The following PRR23B variants were observed in gnomAD, a reference collection of about 807,000 sequenced individuals.
PRR23B encodes the protein proline rich 23B.
For synonymous variants in PRR23B, 157 were observed against 168.0 expected (o/e 0.93, Z 0.51); for missense variants, 375 against 371.7 (o/e 1.01, Z -0.07).
the PRR23B span, chr3:139,019,948 G>T: frequency 6.2e-7 from 1 of 1,613,296 alleles, no homozygotes; most frequent in African/African-American, 1.3e-5. Flanking sequence ...GACTCCCCAC[G>T]CACGGAGAGG....
rs1936939761 is a variant in PRR23B at position 139,020,619 on chromosome 3, A to T, written c.43T>A (p.Trp15Arg). The change falls in exon 1 of 1, where the codon TGG becomes AGG. Residue 15 changes from tryptophan (W) to arginine (R), a missense_variant. By Grantham distance (101) the Trp-to-Arg change is moderately radical. Coordinates refer to ENST00000329447, the MANE Select transcript of PRR23B (RefSeq NM_001013650.2). ...PRSPSAFPAP[W>R]WGQQPGGPGP... Reference sequence around the variant, plus strand: ...GGTCCTCCTGGCTGCTGTCCCCACCAGGGAGCAGGGAAGGCGCTGGGGCTG... The same window carrying T: ...GGTCCTCCTGGCTGCTGTCCCCACCTGGGAGCAGGGAAGGCGCTGGGGCTG... The T allele has an allele frequency of 1.3e-6, 2 of 1,551,890 alleles. No individual in the cohort carries two copies. Among genetic ancestry groups the T allele is most frequent in the South Asian group, 2.4e-5 (2 of 84,804 alleles).
At position 139,020,026 on chromosome 3, in the gene PRR23B, G is replaced by T. The variant is rs752236299; in HGVS notation, c.636C>A (p.Arg212=). ...GGCGGAATTCCAGGTCAAAGATGGG[G>T]CGTGGAGAACGTCTCTCTGAACTGG... ...PNPSSERRSP[R]PIFDLEFRLL... is the part of the protein sequence containing the mutation. Residue 212 remains arginine (R), a synonymous_variant, in exon 1 of 1, where the codon CGC becomes CGA. Transcript: ENST00000329447. 2.5e-5 allele frequency: 41 copies of T among 1,614,146 alleles called. No homozygotes were observed. The highest frequency in any genetic ancestry group is 3.5e-5 in the Non-Finnish European group (41 of 1,180,028).
At position 139,020,516 on chromosome 3, in the gene PRR23B, G is replaced by A. The variant is rs763329637; in HGVS notation, c.146C>T (p.Ala49Val). Residue 49 changes from alanine to valine, a missense_variant, in exon 1 of 1, where the codon GCG (alanine) becomes GTG (valine). Transcript: ENST00000329447. ...PRAAPSLEDP[A>V]GDPAVDALTS... The stretch of plus-strand genomic sequence containing the variant: ...GAGCGCGTCCACGGCCGGGTCCCCC[G>A]CCGGGTCTTCCAGGCTGGGTGCCGC... 3.2e-6 allele frequency: 5 copies of A among 1,571,310 alleles called. No homozygotes were observed. In the South Asian group the frequency reaches 3.5e-5, roughly 11 times the overall value.
rs1191060343 is a variant in PRR23B, at chr3:139,019,090, A to T, written c.*774T>A. 1 of 152,200 alleles carries T rather than the reference A, an allele frequency of 6.6e-6. No individual in the cohort carries two copies. Among genetic ancestry groups the T allele is most frequent in the Non-Finnish European group, 1.5e-5 (1 of 68,038 alleles). 9.4% of individuals were successfully genotyped at this position (152,200 alleles called of 1,614,324 possible). ...AAATATGAGGCAACTACAGTAATAA[A>T]CTAACATTTTAAAAGTTAGAAGTTT... On this transcript the variant is annotated 3_prime_UTR_variant, in exon 1 of 1. Coordinates refer to ENST00000329447, the MANE Select transcript of PRR23B (RefSeq NM_001013650.2).
chr3:139,020,304 C>G lies in PRR23B; in HGVS notation c.358G>C (p.Ala120Pro), dbSNP rs959412271. 3 of 1,614,116 alleles carry G rather than the reference C, an allele frequency of 1.9e-6. No individual in the cohort carries two copies. The highest frequency in any genetic ancestry group is 2.7e-5 in the African/African-American group (2 of 75,046). The change falls in exon 1 of 1, where the codon GCC becomes CCC. Residue 120 changes from alanine to proline, a missense_variant. By Grantham distance (27) the Ala-to-Pro change is conservative (BLOSUM62 -1). Transcript: ENST00000329447. ...AGGAAAACGTCCACTTCCAGCCCGG[C>G]AGACGAGTCGTGCTGCGCTCCTGAG... is the stretch of plus-strand genomic sequence containing the variant. ...ERSGAQHDSS[A>P]GLEVDVFLGA...
the PRR23B span, chr3:139,020,393 AC>A: frequency 4.3e-6 from 7 of 1,613,896 alleles, no homozygotes; most frequent in Non-Finnish European, 5.9e-6. Flanking sequence ...ACCGAGAGAC[AC>A]TCGCAGGATC....
At chr3:139,020,580 G>GC in the PRR23B span, 1 of 1,552,100 alleles carries the variant, frequency 6.4e-7, no homozygotes, top group Admixed American at 1.9e-5. Flanking sequence ...AATCGGAGGC[G>GC]CTTGGCAGGG....
rs778122211 is a variant in PRR23B, at chr3:139,020,543, C to T, written c.119G>A (p.Arg40His). ...RLEEPAGPEP[R>H]AAPSLEDPAG... ...CGGGTCTTCCAGGCTGGGTGCCGCG[C>T]GGGGTTCGGGGCCCGCGGGCTCCTC... The change falls in exon 1 of 1, where the codon CGC (arginine) becomes CAC (histidine). Residue 40 changes from arginine to histidine, a missense_variant. By Grantham distance (29) the Arg-to-His change is conservative. Coordinates refer to ENST00000329447, the MANE Select transcript of PRR23B (RefSeq NM_001013650.2). 37 of 1,554,440 alleles carry T rather than the reference C, an allele frequency of 2.4e-5. No homozygotes were observed. The highest frequency in any genetic ancestry group is 3.1e-5 in the Non-Finnish European group (36 of 1,153,240).
chr3:139,019,926 C>T lies in PRR23B; in HGVS notation c.736G>A (p.Ala246Thr), dbSNP rs777484832. Reference sequence around the variant, plus strand: ...GGGCGTTCCGGGAGCGGCGAGCGCGCGTGGGGACCTGGACTCCCCACGCAC... The same window carrying T: ...GGGCGTTCCGGGAGCGGCGAGCGCGTGTGGGGACCTGGACTCCCCACGCAC... ...SPCVGSPGPH[A>T]RSPLPERPPC... The change falls in exon 1 of 1, where the codon GCG (alanine) becomes ACG (threonine). Residue 246 changes from alanine to threonine, a missense_variant. By Grantham distance (58) the Ala-to-Thr change is moderately conservative. Coordinates refer to ENST00000329447, the MANE Select transcript of PRR23B (RefSeq NM_001013650.2). 4.9e-5 allele frequency: 79 copies of T among 1,608,184 alleles called. No homozygotes were observed. The Middle Eastern group carries it at 1.7e-3, about 34-fold the overall frequency.
At position 139,020,170 on chromosome 3, in the gene PRR23B, C is replaced by A. The variant is rs773630643; in HGVS notation, c.492G>T (p.Pro164=). The A allele has an allele frequency of 6.2e-7, 1 of 1,613,936 alleles. No individual in the cohort carries two copies. The highest frequency in any genetic ancestry group is 1.7e-5 in the Admixed American group (1 of 60,010). The change falls in exon 1 of 1, where the codon CCG becomes CCT. Residue 164 remains proline, a synonymous_variant. Coordinates refer to ENST00000329447, the MANE Select transcript of PRR23B (RefSeq NM_001013650.2). Reference sequence around the variant, plus strand: ...CGGTTGGGGAGTCCATCCGGAGCTCCGGGAACTCGGGGTCCGCGTCCTCCT... The same window carrying A: ...CGGTTGGGGAGTCCATCCGGAGCTCAGGGAACTCGGGGTCCGCGTCCTCCT... ...AYEEDADPEF[P]ELRMDSPTGS...
rs1206621550 is a variant in PRR23B at position 139,020,264 on chromosome 3, T to A, written c.398A>T (p.Glu133Val). Residue 133 changes from glutamate (E) to valine (V), a missense_variant, in exon 1 of 1, where the codon GAG becomes GTG. Coordinates refer to ENST00000329447, the MANE Select transcript of PRR23B (RefSeq NM_001013650.2). ...EVDVFLGAVR[E>V]DVVVELEFCA... ...GAATTCCAGCTCGACGACGACGTCC[T>A]CCCTGACAGCGCCCAGGAAAACGTC... is the stretch of plus-strand genomic sequence containing the variant. 2 of 1,613,932 alleles carry A rather than the reference T, an allele frequency of 1.2e-6. No homozygotes were observed. Among genetic ancestry groups the A allele is most frequent in the Non-Finnish European group, 8.5e-7 (1 of 1,179,954 alleles).
Position 139,020,218 on chromosome 3 carries a change from G to C in PRR23B, c.444C>G (p.Ile148Met), listed in dbSNP as rs150550046. Reference sequence around the variant, plus strand: ...CCTCGTAGGCCTCTTCCTGGGCGGCGATCTCTGGGACAGATGCGCAGAATT... The same window carrying C: ...CCTCGTAGGCCTCTTCCTGGGCGGCCATCTCTGGGACAGATGCGCAGAATT... ...ELEFCASVPE[I>M]AAQEEAYEED... Residue 148 changes from isoleucine to methionine, a missense_variant, in exon 1 of 1, where the codon ATC becomes ATG. By Grantham distance (10) the Ile-to-Met change is conservative. Transcript: ENST00000329447. 583 of 1,614,108 alleles carry C rather than the reference G, an allele frequency of 3.6e-4. 4 individuals are homozygous for C. In the African/African-American group the frequency reaches 7.1e-3, roughly 20 times the overall value.
chr3:139,020,085 G>C lies in PRR23B; in HGVS notation c.577C>G (p.Pro193Ala). The C allele has an allele frequency of 1.9e-6, 3 of 1,614,042 alleles. No homozygotes were observed. The highest frequency in any genetic ancestry group is 1.7e-4 in the Middle Eastern group (1 of 6,034). The change falls in exon 1 of 1, where the codon CCC (proline) becomes GCC (alanine). Residue 193 changes from proline (P) to alanine (A), a missense_variant. Pro to Ala is a conservative substitution (Grantham distance 27). Coordinates refer to ENST00000329447, the MANE Select transcript of PRR23B (RefSeq NM_001013650.2). ...RSMFIPYREGPIPEPCALAPN... is the reference protein window; with the variant it reads ...RSMFIPYREGAIPEPCALAPN... The stretch of plus-strand genomic sequence containing the variant: ...GCCAGAGCACAGGGTTCTGGGATGG[G>C]GCCCTCCCGGTAGGGGATGAACATA...
rs368788569 is a variant in PRR23B, at chr3:139,019,821, A to C, written c.*43T>G. 8 of 1,517,830 alleles carry C rather than the reference A, an allele frequency of 5.3e-6. No individual in the cohort carries two copies. The African/African-American group carries it at 1.1e-4, about 21-fold the overall frequency. The allele number at this position is 1,517,830 out of a possible 1,614,324, so 94.0% of individuals were successfully genotyped here. A position where few individuals can be genotyped will look rare whatever the true frequency, so the allele number is the denominator to read the frequency against. ...ATTCCCGCAATCCTAGAGGGCCTCC[A>C]GCAGAGCGGCCAGGATTGTTGTGTG... is the stretch of plus-strand genomic sequence containing the variant. On this transcript the variant is annotated 3_prime_UTR_variant, in exon 1 of 1. Transcript: ENST00000329447.
chr3:139,020,614 C>G lies in PRR23B; in HGVS notation c.48G>C (p.Trp16Cys). Residue 16 changes from tryptophan to cysteine, a missense_variant, in exon 1 of 1, where the codon TGG becomes TGC. Physicochemically the swap from Trp to Cys is radical, Grantham distance 215. Coordinates refer to ENST00000329447, the MANE Select transcript of PRR23B (RefSeq NM_001013650.2). ...GGCCGGGTCCTCCTGGCTGCTGTCCCCACCAGGGAGCAGGGAAGGCGCTGG... is the reference window on the plus strand; with the variant it reads ...GGCCGGGTCCTCCTGGCTGCTGTCCGCACCAGGGAGCAGGGAAGGCGCTGG... ...RSPSAFPAPWWGQQPGGPGPA... is the reference protein window; with the variant it reads ...RSPSAFPAPWCGQQPGGPGPA... 1 of 1,552,780 alleles carries G rather than the reference C, an allele frequency of 6.4e-7. No individual in the cohort carries two copies. The highest frequency in any genetic ancestry group is 8.7e-7 in the Non-Finnish European group (1 of 1,155,240).
At chr3:139,020,082 TG>T in the PRR23B span, 1 of 1,613,836 alleles carries the variant, frequency 6.2e-7, no homozygotes, top group Admixed American at 1.7e-5. Flanking sequence ...GGTTCTGGGA[TG>T]GGGCCCTCCC....
At position 139,019,634 on chromosome 3, in the gene PRR23B, T is replaced by C; in HGVS notation, c.*230A>G. ...AGAAGCCCAGAAATCTGGACACATT[T>C]TCTGGTATCCTTGCGCAGATTTTCT... is the stretch of plus-strand genomic sequence containing the variant. On this transcript the variant is annotated 3_prime_UTR_variant, in exon 1 of 1. Coordinates refer to ENST00000329447, the MANE Select transcript of PRR23B (RefSeq NM_001013650.2). 1 of 447,580 alleles carries C rather than the reference T, an allele frequency of 2.2e-6. No individual in the cohort carries two copies. The highest frequency in any genetic ancestry group is 3.9e-6 in the Non-Finnish European group (1 of 256,890). The allele number at this position is 447,580 out of a possible 1,614,324, so 27.7% of individuals were successfully genotyped here.
At chr3:139,019,871 TG>T in the PRR23B span, 1 of 1,591,028 alleles carries the variant, frequency 6.3e-7, no homozygotes, top group Admixed American at 1.8e-5. Context: ...GGTCTATGCC[TG>T]GAACAGGCGT....
In PRR23B at chr3:139,019,759, G is replaced by T; in HGVS notation, c.*105C>A. ...AAAAGCAATTGTCCGAACACGCGGT[G>T]CCCAATTTCCAGGTTGTTGGATACT... On this transcript the variant is annotated 3_prime_UTR_variant, in exon 1 of 1. Transcript: ENST00000329447. 8.4e-7 allele frequency: 1 copy of T among 1,185,292 alleles called. No homozygotes were observed. Among genetic ancestry groups the T allele is most frequent in the Non-Finnish European group, 1.2e-6 (1 of 849,298 alleles). 73.4% of individuals were successfully genotyped at this position (1,185,292 alleles called of 1,614,324 possible).
Sources: allele counts gnomAD v4.1 joint callset, GRCh38; gene constraint gnomAD v4.1.1; transcripts MANE v1.5; gene names NCBI Gene and HGNC (gene_info 2026-07-23, HGNC 2026-07-21).